GPC6: variants seen among roughly 807,000 people sequenced by gnomAD.
GPC6 encodes glypican-6.
GPC6 carries 14 observed loss-of-function variants against 55.2 expected under a neutral mutation model. The observed-to-expected ratio is 0.25, with a 90% CI of 0.17 to 0.40. The LOEUF is 0.40. GPC6 is among the 10% of genes least tolerant of loss of function. The probability of loss-of-function intolerance (pLI) is 1.00; values close to 1 mark genes in which losing one functional copy is unlikely to be tolerated. For missense variants in GPC6, 641 were observed against 708.5 expected, an observed-to-expected ratio of 0.90 and a Z score of 1.08; for synonymous variants, 278 against 259.6, an observed-to-expected ratio of 1.07 and a Z score of -0.68.
intron 1 of GPC6, among the ~76,000 whole-genome samples, chr13:93,322,627 A>T (rs372329790): frequency 6.6e-6 from 1 of 150,858 alleles, no homozygotes; most frequent in East Asian, 1.9e-4. Context: ...TTTAGTAGAG[A>T]TGGGGTTTCA....
intron 3 of GPC6, among the ~76,000 whole-genome samples, chr13:93,992,177 GTATA>G (rs143395246): frequency 3.4e-5 from 5 of 146,290 alleles, no homozygotes; most frequent in East Asian, 4.0e-4. Flanking sequence ...AGATATGTGT[GTATA>G]TATATATATA....
intron 1 of GPC6, among the ~76,000 whole-genome samples, chr13:93,416,468 G>C (rs150326744): frequency 6.6e-6 from 1 of 151,932 alleles, no homozygotes; most frequent in East Asian, 1.9e-4. Context: ...TTTGATACAG[G>C]CATGCAATGT....
chr13:94,022,134 C>T (rs529710318), intron 3 of GPC6, among the ~76,000 whole-genome samples: 1 of 152,152 alleles, frequency 6.6e-6, no homozygotes, highest in South Asian at 2.1e-4. Flanking sequence ...GTCCTGAATA[C>T]AGTACACTAG....
chr13:93,950,080 T>C (rs988862201), intron 3 of GPC6, among the ~76,000 whole-genome samples: 4 of 152,160 alleles, frequency 2.6e-5, no homozygotes, highest in Admixed American at 1.3e-4. Flanking sequence ...CTGAAAATAT[T>C]AGAGGTGATG....
chr13:93,367,198 A>T (rs1289642828), intron 1 of GPC6, among the ~76,000 whole-genome samples: 1 of 152,138 alleles, frequency 6.6e-6, no homozygotes, highest in East Asian at 1.9e-4. Flanking sequence ...CTTACAAAAT[A>T]CTATCAGAAA....
intron 1 of GPC6, among the ~76,000 whole-genome samples, chr13:93,526,763 T>C (rs1363693690): frequency 6.6e-6 from 1 of 152,124 alleles, no homozygotes; most frequent in African/African-American, 2.4e-5. Flanking sequence ...TGTCTTACTT[T>C]GAAAGAGCCA....
chr13:93,281,298 A>T (rs1877941250), intron 1 of GPC6, among the ~76,000 whole-genome samples: 1 of 152,140 alleles, frequency 6.6e-6, no homozygotes, highest in Admixed American at 6.5e-5. Flanking sequence ...TGGGAAGTCC[A>T]AGATGAAGAC....
chr13:93,264,961 C>A (rs919273187), intron 1 of GPC6, among the ~76,000 whole-genome samples: 2 of 152,030 alleles, frequency 1.3e-5, no homozygotes, highest in African/African-American at 4.8e-5. Flanking sequence ...TTCACCAACA[C>A]TTTTTTTATA....
intron 4 of GPC6, among the ~76,000 whole-genome samples, chr13:94,034,201 G>GAAAA (rs1442925708): frequency 5.4e-5 from 1 of 18,554 alleles, no homozygotes; most frequent in Non-Finnish European, 1.3e-4. Context: ...AAGAAAGAAA[G>GAAAA]AAGGAAGGAA....
chr13:93,901,133 T>A (rs1876326495), intron 3 of GPC6, among the ~76,000 whole-genome samples: 1 of 152,192 alleles, frequency 6.6e-6, no homozygotes, highest in Non-Finnish European at 1.5e-5. Context: ...TGACTAAATG[T>A]CCAGCAAAGA....
intron 2 of GPC6, among the ~76,000 whole-genome samples, chr13:93,678,273 G>A (rs1308236253): frequency 6.6e-6 from 1 of 152,052 alleles, no homozygotes; most frequent in Non-Finnish European, 1.5e-5. Context: ...ACTTATGCTT[G>A]TTTATACAAT....
chr13:93,787,563 T>C (rs554464382), intron 2 of GPC6, among the ~76,000 whole-genome samples: 1 of 152,360 alleles, frequency 6.6e-6, no homozygotes, highest in East Asian at 1.9e-4. Context: ...TTTTTATTGA[T>C]ACGTATTAGA....
intron 4 of GPC6, among the ~76,000 whole-genome samples, chr13:94,133,258 G>A: frequency 1.9e-5 from 2 of 107,898 alleles, no homozygotes; most frequent in African/African-American, 7.4e-5. Flanking sequence ...TACAGGTACT[G>A]ACCAGTGACA....
chr13:93,946,908 C>G (rs1162205159), intron 3 of GPC6, among the ~76,000 whole-genome samples: 1 of 152,158 alleles, frequency 6.6e-6, no homozygotes, highest in Admixed American at 6.5e-5. Context: ...TTTAAGATAT[C>G]TGGTCACAAT....
intron 2 of GPC6, among the ~76,000 whole-genome samples, chr13:93,607,652 G>A (rs991694399): frequency 7.2e-5 from 11 of 152,284 alleles, no homozygotes; most frequent in African/African-American, 2.6e-4. Flanking sequence ...TGTTGCAGTA[G>A]GAAGACCCCT....
At chr13:94,067,532 G>A (rs1220101478) in intron 4 of GPC6, among the ~76,000 whole-genome samples, 1 of 151,694 alleles carries the variant, frequency 6.6e-6, no homozygotes, top group Non-Finnish European at 1.5e-5. Context: ...GCAATATGGG[G>A]TGTGCTTAAT....
At chr13:93,300,414 C>T (rs902105396) in intron 1 of GPC6, among the ~76,000 whole-genome samples, 8 of 151,938 alleles carry the variant, frequency 5.3e-5, no homozygotes, top group South Asian at 4.2e-4. Flanking sequence ...TTTGGGAGGC[C>T]GAGGCGGGCG....
intron 1 of GPC6, among the ~76,000 whole-genome samples, chr13:93,357,437 T>C (rs971079182): frequency 3.3e-5 from 5 of 152,194 alleles, no homozygotes; most frequent in Non-Finnish European, 5.9e-5. Context: ...GAAAATAGAT[T>C]ATAGGATCCT....
chr13:94,223,756 C>T (rs1890459277), intron 4 of GPC6, among the ~76,000 whole-genome samples: 1 of 152,114 alleles, frequency 6.6e-6, no homozygotes, highest in Non-Finnish European at 1.5e-5. Flanking sequence ...TAAAAAGTAG[C>T]ACAGCAAGGA....
Sources: gnomAD v4.1 joint callset for allele counts (sites outside exome capture counted in the v4.1 genomes callset) on GRCh38, gnomAD v4.1.1 for gene constraint, MANE v1.5 for transcripts, NCBI Gene and HGNC (gene_info 2026-07-23, HGNC 2026-07-21) for gene names.